The following DCC variants were observed in gnomAD, a reference collection of about 807,000 sequenced individuals.
The protein encoded by DCC is DCC netrin 1 receptor, also known as netrin receptor DCC.
DCC carries 58 observed loss-of-function variants against 172.5 expected under a neutral mutation model. The ratio of observed to expected loss-of-function variants is 0.34; its 90% confidence interval spans 0.27 to 0.42. DCC has a LOEUF of 0.42. Ranked by LOEUF, DCC falls within the 10% of genes least tolerant of loss-of-function variation. The probability of loss-of-function intolerance (pLI) is 1.00; values close to 1 mark genes in which losing one functional copy is unlikely to be tolerated. For missense variants in DCC, 1,740 were observed against 1,791.0 expected, an observed-to-expected ratio of 0.97 and a Z score of 0.51; for synonymous variants, 709 against 644.5, an observed-to-expected ratio of 1.10 and a Z score of -1.52.
At chr18:52,387,602 C>CCTTCCTTA (rs1985858931) in intron 1 of DCC, among the ~76,000 whole-genome samples, 1 of 150,166 alleles carries the variant, frequency 6.7e-6, no homozygotes, top group Non-Finnish European at 1.5e-5. Flanking sequence ...TTCCTTCCTT[C>CCTTCCTTA]CTTCCTTCCT....
chr18:52,901,864 C>T (rs2039813742), intron 2 of DCC, among the ~76,000 whole-genome samples: 1 of 152,132 alleles, frequency 6.6e-6, no homozygotes, highest in Non-Finnish European at 1.5e-5. Context: ...AGAAAACATC[C>T]ACATGAATGT....
At chr18:52,639,584 A>T (rs1012737260) in intron 1 of DCC, among the ~76,000 whole-genome samples, 7 of 152,266 alleles carry the variant, frequency 4.6e-5, no homozygotes, top group Middle Eastern at 3.4e-3. Context: ...TCCTGGAAAA[A>T]TATAACCCTC....
At chr18:53,111,157 C>A (rs2144254200) in intron 7 of DCC, among the ~76,000 whole-genome samples, 1 of 148,948 alleles carries the variant, frequency 6.7e-6, no homozygotes, top group East Asian at 2.0e-4. Flanking sequence ...GGACAAAAAA[C>A]CAAACATCGC....
chr18:53,056,738 G>C (rs959440285), intron 5 of DCC, among the ~76,000 whole-genome samples: 2 of 151,990 alleles, frequency 1.3e-5, no homozygotes, highest in African/African-American at 2.4e-5. Flanking sequence ...GCTTTCCACT[G>C]TTCTCAGGGC....
intron 8 of DCC, among the ~76,000 whole-genome samples, chr18:53,166,566 C>T (rs1359966012): frequency 6.6e-6 from 1 of 152,138 alleles, no homozygotes; most frequent in Admixed American, 6.6e-5. Context: ...CTGTTTCACC[C>T]CAACTCCCAA....
intron 25 of DCC, among the ~76,000 whole-genome samples, chr18:53,480,397 C>G (rs1023517770): frequency 1.3e-5 from 2 of 152,130 alleles, no homozygotes; most frequent in Non-Finnish European, 2.9e-5. Context: ...TTATAAATGA[C>G]AAAACAAGAA....
At chr18:52,520,428 T>A (rs2031775822) in intron 1 of DCC, among the ~76,000 whole-genome samples, 1 of 152,218 alleles carries the variant, frequency 6.6e-6, no homozygotes, top group Admixed American at 6.5e-5. Context: ...TCTCAGGTAA[T>A]ACATACACAT....
intron 22 of DCC, among the ~76,000 whole-genome samples, chr18:53,448,943 C>T (rs778643208): frequency 7.9e-5 from 12 of 152,100 alleles, no homozygotes; most frequent in Non-Finnish European, 1.0e-4. Flanking sequence ...TTTATTATTG[C>T]GTTAGTCATG....
At chr18:52,865,117 G>C (rs537216391) in intron 2 of DCC, among the ~76,000 whole-genome samples, 2 of 151,872 alleles carry the variant, frequency 1.3e-5, no homozygotes, top group African/African-American at 4.8e-5. Flanking sequence ...CTCCCGCCTT[G>C]GCCTCCCAAA....
At chr18:52,894,925 T>C (rs1409786033) in intron 2 of DCC, among the ~76,000 whole-genome samples, 1 of 152,182 alleles carries the variant, frequency 6.6e-6, no homozygotes, top group Non-Finnish European at 1.5e-5. Flanking sequence ...CAAAATAATG[T>C]TTGGCCAAAA....
chr18:53,174,991 C>G (rs2055069063), intron 8 of DCC, among the ~76,000 whole-genome samples: 1 of 152,054 alleles, frequency 6.6e-6, no homozygotes, highest in South Asian at 2.1e-4. Flanking sequence ...ATCAAGTGGG[C>G]TTCATCCCTG....
At chr18:52,939,284 C>A (rs894748891) in intron 5 of DCC, among the ~76,000 whole-genome samples, 1 of 152,156 alleles carries the variant, frequency 6.6e-6, no homozygotes, top group African/African-American at 2.4e-5. Flanking sequence ...GGATCATAGC[C>A]CAAATGCTAC....
At chr18:52,919,733 A>C (rs963593756) in intron 3 of DCC, among the ~76,000 whole-genome samples, 11 of 152,120 alleles carry the variant, frequency 7.2e-5, no homozygotes, top group Non-Finnish European at 1.3e-4. Flanking sequence ...AACAACATGA[A>C]TCTAAAAGTT....
chr18:52,980,762 T>C (rs1488667101), intron 5 of DCC, among the ~76,000 whole-genome samples: 2 of 151,976 alleles, frequency 1.3e-5, no homozygotes, highest in Non-Finnish European at 2.9e-5. Flanking sequence ...TCTTAAATAA[T>C]CAAAACTTGT....
At chr18:52,835,082 T>C (rs1191381132) in intron 2 of DCC, among the ~76,000 whole-genome samples, 1 of 152,236 alleles carries the variant, frequency 6.6e-6, no homozygotes, top group East Asian at 1.9e-4. Flanking sequence ...AAATGCACTT[T>C]AGTAATTCAC....
intron 6 of DCC, among the ~76,000 whole-genome samples, chr18:53,064,272 A>G (rs1424639415): frequency 6.6e-6 from 1 of 152,160 alleles, no homozygotes; most frequent in Non-Finnish European, 1.5e-5. Flanking sequence ...GAAATGCTCT[A>G]TGAAATCTCA....
intron 16 of DCC, among the ~76,000 whole-genome samples, chr18:53,389,813 G>T (rs1415634578): frequency 2.6e-5 from 4 of 152,124 alleles, no homozygotes; most frequent in African/African-American, 9.7e-5. Flanking sequence ...AGAAATAGCA[G>T]GATTGACTAT....
At chr18:52,576,113 A>G (rs1456456523) in intron 1 of DCC, among the ~76,000 whole-genome samples, 1 of 152,218 alleles carries the variant, frequency 6.6e-6, no homozygotes, top group African/African-American at 2.4e-5. Context: ...AGATCAGTTA[A>G]TCATCTTCAT....
chr18:52,539,136 A>G (rs1204333316), intron 1 of DCC, among the ~76,000 whole-genome samples: 1 of 152,172 alleles, frequency 6.6e-6, no homozygotes, highest in Non-Finnish European at 1.5e-5. Flanking sequence ...GTCAATGTAC[A>G]TTTTGAGTTT....
Sources: gnomAD v4.1 joint callset for allele counts (sites outside exome capture counted in the v4.1 genomes callset) on GRCh38, gnomAD v4.1.1 for gene constraint, MANE v1.5 for transcripts, NCBI Gene and HGNC (gene_info 2026-07-23, HGNC 2026-07-21) for gene names.